The following PRDM16 variants were observed in gnomAD, a reference collection of about 807,000 sequenced individuals.
The protein encoded by PRDM16 is PR/SET domain 16, also known as histone-lysine N-methyltransferase PRDM16.
A neutral mutation model predicts 110.6 loss-of-function variants in PRDM16; 23 were observed. The observed-to-expected ratio is 0.21, with a 90% CI of 0.15 to 0.29. The LOEUF (loss-of-function observed/expected upper bound fraction) is 0.29. Ranked by LOEUF, PRDM16 falls within the 10% of genes least tolerant of loss-of-function variation. The pLI is 1.00. For missense variants in PRDM16, 1,615 were observed against 1,794.3 expected (o/e 0.90, Z 1.81); for synonymous variants, 799 against 781.8 (o/e 1.02, Z -0.37).
At chr1:3,273,819 TGTG>T (rs1315314736) in intron 3 of PRDM16, among the ~76,000 whole-genome samples, 5 of 64,412 alleles carry the variant, frequency 7.8e-5, no homozygotes, top group South Asian at 4.5e-4. Context: ...GGCATGTAAG[TGTG>T]TGTGTGTGTG....
Position 3,183,809 on chromosome 1 carries a change from A to T in PRDM16, c.38-2316A>T, listed in dbSNP as rs546324147. ...ATGCACTTGATGCGGACGCTGCCCCACTTCGGGCTCCAGCGGAACTCCCAG... is the reference window on the plus strand; with the variant it reads ...ATGCACTTGATGCGGACGCTGCCCCTCTTCGGGCTCCAGCGGAACTCCCAG... On this transcript the variant is annotated intron_variant, in intron 1 of 16. Transcript: ENST00000270722. Among the ~76,000 whole-genome samples, 32 of 152,312 alleles carry T rather than the reference A, an allele frequency of 2.1e-4. 1 individual carries two copies. In the South Asian group the frequency reaches 4.1e-3, roughly 20 times the overall value.
chr1:3,111,617 G>A (rs948996096), intron 1 of PRDM16, among the ~76,000 whole-genome samples: 1 of 152,100 alleles, frequency 6.6e-6, no homozygotes, highest in African/African-American at 2.4e-5. Context: ...GGAGCCCAGC[G>A]CACGGAAAGG....
At chr1:3,224,188 T>C (rs571592365) in intron 2 of PRDM16, among the ~76,000 whole-genome samples, 1 of 152,176 alleles carries the variant, frequency 6.6e-6, no homozygotes, top group African/African-American at 2.4e-5. Flanking sequence ...AGGGCCGTGA[T>C]GAATACCAAA....
chr1:3,279,462 C>T lies in PRDM16; in HGVS notation c.438+35325C>T, dbSNP rs565373079. Reference sequence around the variant, plus strand: ...CTGGCCGCAGAGCTGCCCTGCCCGGCGGCGTCAGTCTGGGACGCCCTGCAC... The same window carrying T: ...CTGGCCGCAGAGCTGCCCTGCCCGGTGGCGTCAGTCTGGGACGCCCTGCAC... On this transcript the variant is annotated intron_variant, in intron 3 of 16. Transcript: ENST00000270722. Among the ~76,000 whole-genome samples the T allele has an allele frequency of 5.3e-5, 8 of 152,362 alleles. No individual in the cohort carries two copies. In the South Asian group the frequency reaches 1.0e-3, roughly 20 times the overall value.
intron 3 of PRDM16, among the ~76,000 whole-genome samples, chr1:3,354,901 C>T (rs950959196): frequency 5.3e-5 from 8 of 152,112 alleles, no homozygotes; most frequent in Non-Finnish European, 1.0e-4. Context: ...CCGGGCCGCA[C>T]CATGAAGGGC....
At chr1:3,228,692 A>T (rs553154329) in intron 2 of PRDM16, among the ~76,000 whole-genome samples, 2 of 152,240 alleles carry the variant, frequency 1.3e-5, no homozygotes, top group South Asian at 4.1e-4. Flanking sequence ...GCTCCTCGCC[A>T]TGGCCCATCC....
intron 4 of PRDM16, among the ~76,000 whole-genome samples, chr1:3,395,576 G>A (rs112950767): frequency 8.7e-4 from 132 of 152,306 alleles, no homozygotes; most frequent in African/African-American, 2.9e-3. Context: ...ACTCCCCCAA[G>A]AGAAACACAC....
At position 3,353,756 on chromosome 1, in the gene PRDM16, T is replaced by G. The variant is rs1431517020; in HGVS notation, c.439-31396T>G. Among the ~76,000 whole-genome samples, 1 of 152,150 alleles carries G rather than the reference T, an allele frequency of 6.6e-6. No homozygotes were observed. The highest frequency in any genetic ancestry group is 2.4e-5 in the African/African-American group (1 of 41,442). On this transcript the variant is annotated intron_variant, in intron 3 of 16. Transcript: ENST00000270722. This position sits in a 1 kb window ranked among gnomAD's most constrained non-coding sequence, Gnocchi z 5.4. ...AGAGAGTGGCCAAGGGGGTTGCACT[T>G]GGGGCCGGACCTCCTGACTCCTGCC...
At chr1:3,331,088 G>T (rs958417298) in intron 3 of PRDM16, among the ~76,000 whole-genome samples, 2 of 152,250 alleles carry the variant, frequency 1.3e-5, no homozygotes, top group South Asian at 4.1e-4. Context: ...GGCCAAGGGA[G>T]GGGCCGCCAG....
At chr1:3,273,309 C>T (rs114304814) in intron 3 of PRDM16, among the ~76,000 whole-genome samples, 2 of 152,270 alleles carry the variant, frequency 1.3e-5, no homozygotes, top group East Asian at 1.9e-4. Context: ...TTCTGCCATT[C>T]GAGGTGCCTT....
chr1:3,231,404 T>TCCCCC (rs1457880326), intron 2 of PRDM16, among the ~76,000 whole-genome samples: 19,016 of 150,528 alleles, frequency 0.13, 2,724 homozygotes, highest in African/African-American at 0.29. Context: ...GTCAAGGCCG[T>TCCCCC]CTCCCCTTCT....
chr1:3,138,005 T>C (rs1270111370), intron 1 of PRDM16, among the ~76,000 whole-genome samples: 1 of 152,212 alleles, frequency 6.6e-6, no homozygotes, highest in Non-Finnish European at 1.5e-5. Flanking sequence ...GAGGGGCCTG[T>C]GTGCAGAGCT....
chr1:3,267,641 T>C (rs1640325675), intron 3 of PRDM16, among the ~76,000 whole-genome samples: 1 of 152,238 alleles, frequency 6.6e-6, no homozygotes, highest in Admixed American at 6.5e-5. Flanking sequence ...TCAGAGCTGC[T>C]CAGAAACGAG....
Position 3,411,723 on chromosome 1 carries a change from C to A in PRDM16, c.1526C>A (p.Ala509Glu). Residue 509 changes from alanine (A) to glutamate (E), a missense_variant, in exon 9 of 17, where the codon GCA becomes GAA. Ala to Glu is a moderately radical substitution (Grantham distance 107). Around this residue, in one of 5 missense-constraint regions of PRDM16, gnomAD observed 772 missense variants for 748.3 expected, o/e 1.03. Transcript: ENST00000270722. ...TCCACGGCGCCTCCCACGTTCCCCGCACTCACCCCCGGCTTCCCGGGCATC... is the reference window on the plus strand; with the variant it reads ...TCCACGGCGCCTCCCACGTTCCCCGAACTCACCCCCGGCTTCCCGGGCATC... ...PFSTAPPTFP[A>E]LTPGFPGIFP... The A allele has an allele frequency of 6.2e-7, 1 of 1,611,254 alleles. No individual in the cohort carries two copies. Among genetic ancestry groups the A allele is most frequent in the South Asian group, 1.1e-5 (1 of 90,618 alleles).
intron 14 of PRDM16, among the ~76,000 whole-genome samples, chr1:3,429,875 C>T (rs561785173): frequency 2.6e-5 from 4 of 152,222 alleles, no homozygotes; most frequent in African/African-American, 4.8e-5. Flanking sequence ...GGAGGTCGGT[C>T]GCCGTGAGAC....
In PRDM16 at chr1:3,420,929, C is replaced by T. The variant is rs1402074356; in HGVS notation, c.2939+2185C>T. The stretch of plus-strand genomic sequence containing the variant: ...CAGCCTGGATGCGAGCAGGGCTGCC[C>T]GGGACTCCTGCTGGGACCGAGATTC... On this transcript the variant is annotated intron_variant, in intron 12 of 16. Transcript: ENST00000270722. 2.0e-5 allele frequency among the ~76,000 whole-genome samples: 3 copies of T among 151,896 alleles called. 1 individual carries two copies. Among genetic ancestry groups the T allele is most frequent in the South Asian group, 4.2e-4 (2 of 4,796 alleles).
At position 3,390,835 on chromosome 1, in the gene PRDM16, T is replaced by A. The variant is rs113419457; in HGVS notation, c.573+5549T>A. Among the ~76,000 whole-genome samples the A allele has an allele frequency of 1.9e-4, 6 of 32,036 alleles. No individual in the cohort carries two copies. Among genetic ancestry groups the A allele is most frequent in the African/African-American group, 5.5e-4 (6 of 10,888 alleles). The allele number at this position is 32,036 out of a possible 152,430, so 21.0% of individuals were successfully genotyped here. A position where few individuals can be genotyped will look rare whatever the true frequency, so the allele number is the denominator to read the frequency against. ...CTTTGCTTTTATCTCTCACAGTGTGTTTTTTTTTTTTTTTTTTTAGACAGA... is the reference window on the plus strand; with the variant it reads ...CTTTGCTTTTATCTCTCACAGTGTGATTTTTTTTTTTTTTTTTTAGACAGA... On this transcript the variant is annotated intron_variant, in intron 4 of 16. Transcript: ENST00000270722. The surrounding 1 kb of genome is among the most constrained non-coding windows in gnomAD (Gnocchi z 5.0).
chr1:3,287,961 C>T (rs559422711), intron 3 of PRDM16, among the ~76,000 whole-genome samples: 17 of 152,376 alleles, frequency 1.1e-4, no homozygotes, highest in African/African-American at 4.1e-4. Flanking sequence ...CCGCATTTCA[C>T]AGGGAGAGTG....
At chr1:3,374,801 G>A (rs1642964798) in intron 3 of PRDM16, among the ~76,000 whole-genome samples, 2 of 152,232 alleles carry the variant, frequency 1.3e-5, no homozygotes, top group Admixed American at 6.5e-5. Context: ...GAGGGCCAGA[G>A]GTGCTTGTAC....
Sources: gnomAD v4.1 joint callset for allele counts (sites outside exome capture counted in the v4.1 genomes callset) on GRCh38, gnomAD v4.1.1 for gene constraint, gnomAD v4.1.1 regional missense constraint, Gnocchi (gnomAD v3.1) non-coding constraint, MANE v1.5 for transcripts, NCBI Gene and HGNC (gene_info 2026-07-23, HGNC 2026-07-21) for gene names.